The following SLC12A7 variants were observed in gnomAD, a reference collection of about 807,000 sequenced individuals.
SLC12A7 encodes solute carrier family 12 member 7.
SLC12A7 carries 100 observed loss-of-function variants against 120.6 expected under a neutral mutation model. The ratio of observed to expected loss-of-function variants is 0.83; its 90% CI spans 0.71 to 0.98. SLC12A7 has a LOEUF of 0.98. Ranked by LOEUF, SLC12A7 falls within the 50% of genes least tolerant of loss-of-function variation. The pLI, the probability that SLC12A7 is intolerant of heterozygous loss-of-function variation, is 0.00. For missense variants in SLC12A7, 1,373 were observed against 1,548.1 expected, an observed-to-expected ratio of 0.89 and a Z score of 1.90; for synonymous variants, 760 against 678.0, an observed-to-expected ratio of 1.12 and a Z score of -1.88.
the SLC12A7 span, among the ~76,000 whole-genome samples, chr5:1,142,862 G>A: frequency 6.6e-6 from 1 of 151,804 alleles, no homozygotes; most frequent in African/African-American, 2.4e-5. Context: ...TGGGCAACGT[G>A]CTCAGAACTC....
Position 1,074,568 on chromosome 5 carries a change from T to G in SLC12A7, c.2071A>C (p.Arg691=), listed in dbSNP as rs1472635621. Reference sequence around the variant, plus strand: ...CCACGGGGCATGGGCGGTGCTCACCTCCAGTTCTTGGTGTGGGGGGGACCG... The same window carrying G: ...CCACGGGGCATGGGCGGTGCTCACCGCCAGTTCTTGGTGTGGGGGGGACCG... ...EHGPPHTKNW[R]PQVLVMLNLD... Residue 691 remains arginine (R), a splice_region_variant and synonymous_variant, in exon 16 of 24, where the codon AGG becomes CGG. Transcript: ENST00000264930. 27 of 1,611,196 alleles carry G rather than the reference T, an allele frequency of 1.7e-5. No homozygotes were observed. The highest frequency in any genetic ancestry group is 2.3e-5 in the Non-Finnish European group (27 of 1,178,896).
Position 1,086,894 on chromosome 5 carries a change from C to T in SLC12A7, c.675+9G>A, listed in dbSNP as rs745748492. 1 of 1,612,206 alleles carries T rather than the reference C, an allele frequency of 6.2e-7. No individual in the cohort carries two copies. The highest frequency in any genetic ancestry group is 1.1e-5 in the South Asian group (1 of 91,060). Reference sequence around the variant, plus strand: ...TGGGGTGGGAACCCTTCCAAAGCAGCACACTTACCAGAAAAATCTCGATGG... The same window carrying T: ...TGGGGTGGGAACCCTTCCAAAGCAGTACACTTACCAGAAAAATCTCGATGG... On this transcript the variant is annotated intron_variant, in intron 6 of 23. Coordinates refer to ENST00000264930, the MANE Select transcript of SLC12A7 (RefSeq NM_006598.3).
At chr5:1,053,285 G>A (rs1318556695) in intron 23 of SLC12A7, 64 bp downstream of exon 23, 11 of 1,568,198 alleles carry the variant, frequency 7.0e-6, no homozygotes, top group Non-Finnish European at 9.5e-6. Context: ...ACAAACCCAG[G>A]TCTTAGCGAG....
At chr5:1,077,708 A>T in intron 12 of SLC12A7, 125 bp downstream of exon 12, 1 of 1,044,488 alleles carries the variant, frequency 9.6e-7, no homozygotes, top group Non-Finnish European at 1.3e-6. Context: ...CAGGGGCAGA[A>T]TGACCACCAT....
the SLC12A7 span, among the ~76,000 whole-genome samples, chr5:1,121,810 G>A: frequency 6.6e-6 from 1 of 152,170 alleles, no homozygotes; most frequent in Non-Finnish European, 1.5e-5. Context: ...CCTAGGAAGG[G>A]GTAACTGTGC....
At chr5:1,075,513 G>A (rs373562835) in intron 14 of SLC12A7, 23 bp from the exon 15 acceptor site, 102 of 1,602,510 alleles carry the variant, frequency 6.4e-5, no homozygotes, top group African/African-American at 1.6e-4. Context: ...CAAGTGGCTC[G>A]GGGCGGCCCA....
the SLC12A7 span, among the ~76,000 whole-genome samples, chr5:1,143,744 C>T: frequency 5.9e-5 from 9 of 152,196 alleles, no homozygotes; most frequent in Non-Finnish European, 1.3e-4. Context: ...TGCCCAGTCC[C>T]CTCTGCAAGC....
At position 1,085,200 on chromosome 5, in the gene SLC12A7, C is replaced by T. The variant is rs1275405536; in HGVS notation, c.917+32G>A. 3 of 1,607,332 alleles carry T rather than the reference C, an allele frequency of 1.9e-6. No individual in the cohort carries two copies. The African/African-American group carries it at 4.0e-5, about 21-fold the overall frequency. ...CATGGGACCTGGCCCCAGCCCCACA[C>T]CCACCCACGGCTCAGAGGCCCCGAG... On this transcript the variant is annotated intron_variant, in intron 7 of 23. Transcript: ENST00000264930.
At chr5:1,087,731 C>T (rs376927277) in intron 5 of SLC12A7, among the ~76,000 whole-genome samples, 6 of 152,256 alleles carry the variant, frequency 3.9e-5, no homozygotes, top group African/African-American at 9.6e-5. Context: ...ACGCGCAGCA[C>T]ACATGCACTC....
chr5:1,149,697 T>C, the SLC12A7 span, among the ~76,000 whole-genome samples: 1 of 152,262 alleles, frequency 6.6e-6, no homozygotes, highest in South Asian at 2.1e-4. Context: ...GAAGCATCTC[T>C]CCATGTGCTT....
At chr5:1,082,545 G>A (rs1288154565) in intron 8 of SLC12A7, among the ~76,000 whole-genome samples, 2 of 136,866 alleles carry the variant, frequency 1.5e-5, no homozygotes, top group Admixed American at 7.3e-5. Context: ...TGGAAAGTCC[G>A]GGCTTCCTGT....
chr5:1,052,219 G>A lies in SLC12A7; in HGVS notation c.*141C>T, dbSNP rs182274157. 2.6e-4 allele frequency: 189 copies of A among 724,164 alleles called. 1 individual carries two copies. The highest frequency in any genetic ancestry group is 2.5e-3 in the African/African-American group (142 of 57,596). The allele number at this position is 724,164 out of a possible 1,614,324, so 44.9% of individuals were successfully genotyped here. Reference sequence around the variant, plus strand: ...CTAGGTGACGGGCCTAGAAACTTCCGTAGGAAGCCCCATGGGCAGCTTGGG... The same window carrying A: ...CTAGGTGACGGGCCTAGAAACTTCCATAGGAAGCCCCATGGGCAGCTTGGG... On this transcript the variant is annotated 3_prime_UTR_variant, in exon 24 of 24. Transcript: ENST00000264930.
the SLC12A7 span, among the ~76,000 whole-genome samples, chr5:1,143,520 C>T: frequency 6.6e-6 from 1 of 152,206 alleles, no homozygotes; most frequent in East Asian, 1.9e-4. Flanking sequence ...CTCACAACCT[C>T]ATTTAACCTT....
intron 1 of SLC12A7, among the ~76,000 whole-genome samples, chr5:1,097,996 C>T (rs986793212): frequency 2.0e-5 from 3 of 151,904 alleles, no homozygotes; most frequent in Admixed American, 1.3e-4. Flanking sequence ...GAGTGCGTCC[C>T]GGGGACGTCA....
chr5:1,097,231 G>A (rs186322834), intron 1 of SLC12A7, among the ~76,000 whole-genome samples: 1 of 152,276 alleles, frequency 6.6e-6, no homozygotes. Context: ...TGTACAAGTA[G>A]GAAAAACGTG....
At chr5:1,053,142 C>G (rs1310467129) in intron 23 of SLC12A7, among the ~76,000 whole-genome samples, 1 of 152,198 alleles carries the variant, frequency 6.6e-6, no homozygotes, top group Non-Finnish European at 1.5e-5. Context: ...CTCCCTCCCC[C>G]ACACCAATGC....
At position 1,073,624 on chromosome 5, in the gene SLC12A7, C is replaced by T. The variant is rs1737964744; in HGVS notation, c.2241+9G>A. 2 of 1,598,062 alleles carry T rather than the reference C, an allele frequency of 1.3e-6. No individual in the cohort carries two copies. Among genetic ancestry groups the T allele is most frequent in the Non-Finnish European group, 1.7e-6 (2 of 1,173,846 alleles). On this transcript the variant is annotated intron_variant, in intron 17 of 23. Transcript: ENST00000264930. ...AAGAGGCCTGGCCCCCAGACCCCGC[C>T]CGGCCCACCTCCTCGGCCCGCTGAG...
rs200284025 is a variant in SLC12A7 at position 1,089,045 on chromosome 5, C to T, written c.426G>A (p.Thr142=). The T allele has an allele frequency of 4.8e-5, 78 of 1,613,080 alleles. No homozygotes were observed. In the East Asian group the frequency reaches 1.3e-3, roughly 27 times the overall value. Residue 142 remains threonine (T), a synonymous_variant, in exon 4 of 24, where the codon ACG becomes ACA. Transcript: ENST00000264930. ...ILGVILFLRL[T]WIVGVAGVLE... ...GGACACCAGCCACCCCCACGATCCA[C>T]GTCAGGCGCAGGAAGAGGATGACGC...
At position 1,079,379 on chromosome 5, in the gene SLC12A7, T is replaced by C; in HGVS notation, c.1396+19A>G. The C allele has an allele frequency of 1.3e-6, 2 of 1,599,628 alleles. No individual in the cohort carries two copies. Among genetic ancestry groups the C allele is most frequent in the South Asian group, 1.1e-5 (1 of 90,814 alleles). ...CCAGGCAGAGGCTGGAACCCTCGCC[T>C]GCACCCCTCCAAGGATACAGATGAA... On this transcript the variant is annotated intron_variant, in intron 10 of 23. Transcript: ENST00000264930.
Sources: allele counts gnomAD v4.1 joint callset (sites outside exome capture counted in the v4.1 genomes callset), GRCh38; gene constraint gnomAD v4.1.1; transcripts MANE v1.5; gene names NCBI Gene and HGNC (gene_info 2026-07-23, HGNC 2026-07-21).